Variants in SPIDR observed in about 807,000 individuals in gnomAD.
The protein encoded by SPIDR is DNA repair-scaffolding protein.
A neutral mutation model predicts 104.6 loss-of-function variants in SPIDR; 93 were observed. That is an observed-to-expected ratio of 0.89 (90% CI 0.75 to 1.06). The LOEUF is 1.06. Among genes scored for constraint, SPIDR ranks in the 50% least tolerant of loss-of-function variants. SPIDR has a pLI of 0.00. For synonymous variants in SPIDR, 431 were observed against 416.9 expected, an observed-to-expected ratio of 1.03 and a Z score of -0.41; for missense variants, 1,154 against 1,111.2, an observed-to-expected ratio of 1.04 and a Z score of -0.55.
chr8:47,616,295 G>A (rs2064301846), intron 10 of SPIDR, among the ~76,000 whole-genome samples: 1 of 152,176 alleles, frequency 6.6e-6, no homozygotes, highest in East Asian at 1.9e-4. Context: ...GTTAGCTGTG[G>A]AGTTTTCATC....
At chr8:47,434,631 G>A (rs1287125805) in intron 7 of SPIDR, among the ~76,000 whole-genome samples, 3 of 151,944 alleles carry the variant, frequency 2.0e-5, no homozygotes, top group Non-Finnish European at 4.4e-5. Flanking sequence ...GCCCTCTATT[G>A]GAGAATAATT....
chr8:47,685,523 T>TTTTTTTTTTG (rs1249466102), intron 11 of SPIDR, among the ~76,000 whole-genome samples: 2 of 149,272 alleles, frequency 1.3e-5, no homozygotes, highest in Admixed American at 6.7e-5. Flanking sequence ...ATTTATTTTT[T>TTTTTTTTTTG]TGAGACAGTC....
At chr8:47,449,334 T>G (rs555366440) in intron 8 of SPIDR, among the ~76,000 whole-genome samples, 70 of 152,244 alleles carry the variant, frequency 4.6e-4, no homozygotes, top group African/African-American at 1.7e-3. Context: ...TCAGCAGTAA[T>G]TAGAGCCTAG....
At chr8:47,601,687 G>A (rs982580824) in intron 10 of SPIDR, among the ~76,000 whole-genome samples, 5 of 152,018 alleles carry the variant, frequency 3.3e-5, no homozygotes, top group Non-Finnish European at 5.9e-5. Context: ...TGAGACTTCC[G>A]TCTCAAAAAG....
At chr8:47,481,124 G>A (rs547814805) in intron 8 of SPIDR, among the ~76,000 whole-genome samples, 2 of 152,340 alleles carry the variant, frequency 1.3e-5, no homozygotes, top group South Asian at 4.1e-4. Flanking sequence ...TGATGTTACT[G>A]TTGAATATAT....
At chr8:47,381,578 C>T (rs1001713769) in intron 5 of SPIDR, among the ~76,000 whole-genome samples, 3 of 152,328 alleles carry the variant, frequency 2.0e-5, no homozygotes, top group Middle Eastern at 3.4e-3. Flanking sequence ...GCAGGGTGAA[C>T]TTGGCATAAC....
chr8:47,380,338 G>A (rs1442504663), intron 5 of SPIDR, among the ~76,000 whole-genome samples: 2 of 152,308 alleles, frequency 1.3e-5, no homozygotes, highest in African/African-American at 2.4e-5. Context: ...TTCCACAGGT[G>A]TACACTATTT....
rs1261679932 is a variant in SPIDR at position 47,673,796 on chromosome 8, T to G, written c.1545-5T>G. ...TCAAAGACAAATGTGAATGGTTTTT[T>G]ACAGAGCCTGCCTTCTGGTACAAGA... On this transcript the variant is annotated splice_polypyrimidine_tract_variant and splice_region_variant and intron_variant, in intron 10 of 19. Transcript: ENST00000297423. 1 of 1,614,178 alleles carries G rather than the reference T, an allele frequency of 6.2e-7. No homozygotes were observed. Among genetic ancestry groups the G allele is most frequent in the South Asian group, 1.1e-5 (1 of 91,086 alleles).
At chr8:47,558,375 A>AGTTC (rs2091571163) in intron 8 of SPIDR, among the ~76,000 whole-genome samples, 1 of 152,202 alleles carries the variant, frequency 6.6e-6, no homozygotes, top group Non-Finnish European at 1.5e-5. Flanking sequence ...ACACTGTTAT[A>AGTTC]TAGTAGTTCT....
intron 7 of SPIDR, among the ~76,000 whole-genome samples, chr8:47,424,612 C>T (rs2066123796): frequency 6.6e-6 from 1 of 152,180 alleles, no homozygotes; most frequent in African/African-American, 2.4e-5. Context: ...GCCACCATAC[C>T]CGGACCCTTA....
chr8:47,553,214 C>T (rs1422622644), intron 8 of SPIDR, among the ~76,000 whole-genome samples: 5 of 152,092 alleles, frequency 3.3e-5, no homozygotes, highest in Non-Finnish European at 5.9e-5. Context: ...CCATTTCAAC[C>T]TTGGTGAATC....
At chr8:47,440,577 C>T (rs782106738) in intron 8 of SPIDR, 35 bp downstream of exon 8, 1 of 1,571,966 alleles carries the variant, frequency 6.4e-7, no homozygotes, top group Non-Finnish European at 8.7e-7. Context: ...CAGTCACCAA[C>T]TGTGAGTCAG....
intron 19 of SPIDR, among the ~76,000 whole-genome samples, chr8:47,733,232 A>T (rs1048599231): frequency 1.2e-4 from 19 of 152,214 alleles, no homozygotes; most frequent in African/African-American, 3.4e-4. Flanking sequence ...ATTAAAAATT[A>T]AAAAATTAGC....
At chr8:47,275,828 G>C (rs1213507241) in intron 1 of SPIDR, among the ~76,000 whole-genome samples, 1 of 152,040 alleles carries the variant, frequency 6.6e-6, no homozygotes, top group African/African-American at 2.4e-5. Context: ...TAAATTTTCT[G>C]TGCGTGTGTT....
At chr8:47,556,557 A>C (rs1419430408) in intron 8 of SPIDR, among the ~76,000 whole-genome samples, 1 of 152,210 alleles carries the variant, frequency 6.6e-6, no homozygotes, top group Non-Finnish European at 1.5e-5. Context: ...GTCACAGGTC[A>C]TGGGATGAGG....
At chr8:47,273,142 C>T (rs1754977943) in intron 1 of SPIDR, among the ~76,000 whole-genome samples, 2 of 152,242 alleles carry the variant, frequency 1.3e-5, no homozygotes, top group South Asian at 2.1e-4. Flanking sequence ...TGTGAGATCA[C>T]GCAGGTTCAG....
At chr8:47,302,793 C>A (rs1223450873) in intron 5 of SPIDR, among the ~76,000 whole-genome samples, 3 of 152,284 alleles carry the variant, frequency 2.0e-5, no homozygotes, top group South Asian at 4.1e-4. Context: ...GCTGCCTGAT[C>A]ATTCCTCTGG....
At chr8:47,343,331 C>G (rs2051148881) in intron 5 of SPIDR, among the ~76,000 whole-genome samples, 1 of 152,098 alleles carries the variant, frequency 6.6e-6, no homozygotes, top group Non-Finnish European at 1.5e-5. Context: ...GTTAATATTT[C>G]TCATTCCCAG....
intron 10 of SPIDR, among the ~76,000 whole-genome samples, chr8:47,649,915 A>G (rs1445399453): frequency 6.6e-5 from 10 of 152,210 alleles, no homozygotes; most frequent in Non-Finnish European, 1.5e-5. Flanking sequence ...GCATCCCTTT[A>G]TGATAAAAAC....
Sources: allele counts gnomAD v4.1 joint callset (sites outside exome capture counted in the v4.1 genomes callset), GRCh38; gene constraint gnomAD v4.1.1; transcripts MANE v1.5; gene names NCBI Gene and HGNC (gene_info 2026-07-23, HGNC 2026-07-21).